LDAH: variants seen among roughly 807,000 people sequenced by gnomAD.
LDAH encodes the protein lipid droplet-associated hydrolase.
A neutral mutation model predicts 29.6 loss-of-function variants in LDAH; 26 were observed. The observed-to-expected ratio is 0.88, with a 90% CI of 0.64 to 1.22. LDAH has a LOEUF of 1.22. Ranked by LOEUF, LDAH falls within the 50% of genes most tolerant of loss-of-function variation. LDAH has a pLI of 0.00. For synonymous variants in LDAH, 117 were observed against 133.0 expected, an observed-to-expected ratio of 0.88 and a Z score of 0.83; for missense variants, 344 against 387.3, an observed-to-expected ratio of 0.89 and a Z score of 0.94.
chr2:20,728,706 T>A (rs1558418788), intron 5 of LDAH, among the ~76,000 whole-genome samples: 1 of 151,932 alleles, frequency 6.6e-6, no homozygotes, highest in Non-Finnish European at 1.5e-5. Flanking sequence ...AAGTGAACTA[T>A]GAACCCAAGC....
intron 2 of LDAH, among the ~76,000 whole-genome samples, chr2:20,796,135 T>G (rs2125090459): frequency 1.3e-5 from 2 of 152,336 alleles, no homozygotes; most frequent in South Asian, 4.1e-4. Context: ...TCTCAGTGTC[T>G]TCACTGAATA....
intron 5 of LDAH, among the ~76,000 whole-genome samples, chr2:20,710,099 C>G (rs1664602822): frequency 6.6e-6 from 1 of 151,756 alleles, no homozygotes; most frequent in African/African-American, 2.4e-5. Flanking sequence ...AAATTGAAGC[C>G]AATAAAATAA....
At chr2:20,807,936 A>C (rs75016813) in intron 1 of LDAH, among the ~76,000 whole-genome samples, 13 of 118,058 alleles carry the variant, frequency 1.1e-4, no homozygotes, top group African/African-American at 5.9e-4. Flanking sequence ...TAGAAAATGC[A>C]AAAAAAAAAA....
At chr2:20,802,418 G>GA (rs1671773489) in intron 1 of LDAH, among the ~76,000 whole-genome samples, 1 of 152,004 alleles carries the variant, frequency 6.6e-6, no homozygotes, top group African/African-American at 2.4e-5. Flanking sequence ...GGATAGGTGG[G>GA]AAAAAACCCA....
At chr2:20,817,109 CAAAG>C (rs1353304636) in intron 1 of LDAH, among the ~76,000 whole-genome samples, 1 of 151,638 alleles carries the variant, frequency 6.6e-6, no homozygotes, top group African/African-American at 2.4e-5. Flanking sequence ...ACGTTAGAAA[CAAAG>C]AAAGACCTTA....
intron 5 of LDAH, among the ~76,000 whole-genome samples, chr2:20,727,371 T>C (rs1385240758): frequency 6.6e-6 from 1 of 152,256 alleles, no homozygotes; most frequent in East Asian, 1.9e-4. Flanking sequence ...AGAAGAAATT[T>C]ATGATTCTTT....
chr2:20,777,696 C>T (rs1669917661), intron 3 of LDAH, among the ~76,000 whole-genome samples: 1 of 152,110 alleles, frequency 6.6e-6, no homozygotes, highest in Admixed American at 6.5e-5. Flanking sequence ...AGGCGTAAAC[C>T]ACCATTCCCA....
chr2:20,697,963 A>G lies in LDAH; in HGVS notation c.786+3607T>C, dbSNP rs183924784. On this transcript the variant is annotated intron_variant, in intron 6 of 6. Coordinates refer to ENST00000237822, the MANE Select transcript of LDAH (RefSeq NM_021925.4). Reference sequence around the variant, plus strand: ...TAAAACATTATACTTATCATTACAAATTAAAAAAAAATTCTGACTGCTATT... The same window carrying G: ...TAAAACATTATACTTATCATTACAAGTTAAAAAAAAATTCTGACTGCTATT... 2.2e-3 allele frequency among the ~76,000 whole-genome samples: 332 copies of G among 152,314 alleles called. 6 individuals carry two copies. The highest frequency in any genetic ancestry group is 6.5e-4 in the Non-Finnish European group (44 of 68,028).
intron 4 of LDAH, among the ~76,000 whole-genome samples, chr2:20,774,368 T>TTATTAATTAATAA (rs1669644608): frequency 6.6e-6 from 1 of 152,208 alleles, no homozygotes; most frequent in Non-Finnish European, 1.5e-5. Context: ...AATAAAGATG[T>TTATTAATTAATAA]AGTGTTCCAT....
chr2:20,713,359 C>T (rs1014468246), intron 5 of LDAH, among the ~76,000 whole-genome samples: 1 of 152,024 alleles, frequency 6.6e-6, no homozygotes, highest in Non-Finnish European at 1.5e-5. Context: ...TGTCACCAGG[C>T]CTGCCTTACA....
At chr2:20,724,039 T>C (rs1665849648) in intron 5 of LDAH, among the ~76,000 whole-genome samples, 1 of 152,220 alleles carries the variant, frequency 6.6e-6, no homozygotes, top group Non-Finnish European at 1.5e-5. Flanking sequence ...AGGTTTGAAA[T>C]AGCCGAGTGA....
chr2:20,703,769 C>A (rs1427458102), intron 5 of LDAH, among the ~76,000 whole-genome samples: 2 of 152,188 alleles, frequency 1.3e-5, no homozygotes, highest in Non-Finnish European at 2.9e-5. Context: ...TCACTGCCTT[C>A]TTGGGTTGTT....
chr2:20,727,747 A>G lies in LDAH; in HGVS notation c.703+12224T>C, dbSNP rs1369365269. ...TTTTTCATGAAGTGGAAGAACATCT[A>G]AAGAAAATACAGAGTAGCAAACATT... On this transcript the variant is annotated intron_variant, in intron 5 of 6. Transcript: ENST00000237822. 3.3e-5 allele frequency among the ~76,000 whole-genome samples: 5 copies of G among 152,228 alleles called. No homozygotes were observed. In the East Asian group the frequency reaches 9.6e-4, roughly 29 times the overall value.
At chr2:20,794,014 A>AT in intron 2 of LDAH, among the ~76,000 whole-genome samples, 1 of 151,898 alleles carries the variant, frequency 6.6e-6, no homozygotes, top group Admixed American at 6.5e-5. Context: ...CATGCTGCTG[A>AT]TAAAGACATA....
intron 5 of LDAH, among the ~76,000 whole-genome samples, chr2:20,726,272 G>T (rs969979774): frequency 6.6e-6 from 1 of 152,200 alleles, no homozygotes; most frequent in Non-Finnish European, 1.5e-5. Flanking sequence ...CCTTTCACAG[G>T]AAAGCTCCTC....
At chr2:20,721,793 A>G (rs572555221) in intron 5 of LDAH, among the ~76,000 whole-genome samples, 1 of 152,230 alleles carries the variant, frequency 6.6e-6, no homozygotes, top group Non-Finnish European at 1.5e-5. Flanking sequence ...TGATAGGTCT[A>G]TATCCAAAAG....
At position 20,685,985 on chromosome 2, in the gene LDAH, T is replaced by A. The variant is rs1054428061; in HGVS notation, c.*918A>T. ...CTAGAAGATTTCCAGAAGAAAAGAA[T>A]CATTAAGTAGCTAAGAACTCCATCC... On this transcript the variant is annotated 3_prime_UTR_variant, in exon 7 of 7. Coordinates refer to ENST00000237822, the MANE Select transcript of LDAH (RefSeq NM_021925.4). The A allele has an allele frequency of 2.3e-5, 5 of 217,114 alleles. No individual in the cohort carries two copies. Among genetic ancestry groups the A allele is most frequent in the African/African-American group, 7.0e-5 (3 of 43,158 alleles). 13.4% of individuals were successfully genotyped at this position (217,114 alleles called of 1,614,324 possible).
Position 20,685,351 on chromosome 2 carries a change from T to C in LDAH, c.*1552A>G, listed in dbSNP as rs1427787365. On this transcript the variant is annotated 3_prime_UTR_variant, in exon 7 of 7. Transcript: ENST00000237822. ...GAGCCATGATTCCTAGCTTCTAACA[T>C]CCGATTTCTAGGCCTCTCATGCAGA... 2 of 646,898 alleles carry C rather than the reference T, an allele frequency of 3.1e-6. No homozygotes were observed. The highest frequency in any genetic ancestry group is 4.3e-4 in the Middle Eastern group (1 of 2,352). The allele number at this position is 646,898 out of a possible 1,614,324, so 40.1% of individuals were successfully genotyped here.
chr2:20,755,410 T>C (rs1668275927), intron 4 of LDAH, among the ~76,000 whole-genome samples: 1 of 152,222 alleles, frequency 6.6e-6, no homozygotes, highest in Admixed American at 6.5e-5. Flanking sequence ...CCTTTGAACA[T>C]ATTAATTTAC....
Sources: allele counts gnomAD v4.1 joint callset (sites outside exome capture counted in the v4.1 genomes callset), GRCh38; gene constraint gnomAD v4.1.1; transcripts MANE v1.5; gene names NCBI Gene and HGNC (gene_info 2026-07-23, HGNC 2026-07-21).